XKR6: variants seen among roughly 807,000 people sequenced by gnomAD.
The protein encoded by XKR6 is XK-related protein 6.
A neutral mutation model predicts 56.7 loss-of-function variants in XKR6; 22 were observed. The observed-to-expected ratio is 0.39, with a 90% confidence interval of 0.28 to 0.55. The LOEUF (loss-of-function observed/expected upper bound fraction) is 0.55, where lower values mean the gene tolerates loss of function less well. Ranked by LOEUF, XKR6 falls within the 20% of genes least tolerant of loss-of-function variation. XKR6 has a pLI of 0.66. For missense variants in XKR6, 852 were observed against 889.0 expected (o/e 0.96, Z 0.53); for synonymous variants, 524 against 387.8 (o/e 1.35, Z -4.13).
At chr8:11,041,682 A>G (rs1216829280) in intron 1 of XKR6, among the ~76,000 whole-genome samples, 3 of 152,152 alleles carry the variant, frequency 2.0e-5, no homozygotes, top group Non-Finnish European at 2.9e-5. Flanking sequence ...CTTAGGTGGG[A>G]CTAGAGGGAG....
At chr8:11,071,237 T>C (rs1800105771) in intron 1 of XKR6, among the ~76,000 whole-genome samples, 1 of 152,156 alleles carries the variant, frequency 6.6e-6, no homozygotes, top group South Asian at 2.1e-4. Context: ...CTGGAGGTAC[T>C]GAAGAAAAAA....
chr8:11,009,488 T>C (rs1462749053), intron 1 of XKR6, among the ~76,000 whole-genome samples: 3 of 152,144 alleles, frequency 2.0e-5, no homozygotes, highest in African/African-American at 7.2e-5. Context: ...CCAGCCTTGG[T>C]GAGAGAGTGA....
intron 1 of XKR6, among the ~76,000 whole-genome samples, chr8:11,090,198 C>G (rs1389941967): frequency 6.6e-6 from 1 of 152,216 alleles, no homozygotes; most frequent in Non-Finnish European, 1.5e-5. Flanking sequence ...GATCCTCCCA[C>G]CTCGGCCTCT....
chr8:11,002,542 C>T (rs538796557), intron 1 of XKR6: 1 of 248,452 alleles, frequency 4.0e-6, no homozygotes, highest in African/African-American at 2.3e-5. Flanking sequence ...GTGGTGCATA[C>T]CCAGAGCCCT....
At chr8:10,905,207 C>T (rs1800152966) in intron 2 of XKR6, among the ~76,000 whole-genome samples, 1 of 152,214 alleles carries the variant, frequency 6.6e-6, no homozygotes, top group South Asian at 2.1e-4. Context: ...AGGCAGGCCA[C>T]TTGCCCTCCT....
chr8:10,979,792 T>C (rs1797685891), intron 1 of XKR6, among the ~76,000 whole-genome samples: 1 of 152,192 alleles, frequency 6.6e-6, no homozygotes, highest in Admixed American at 6.5e-5. Flanking sequence ...GTGAGGACCC[T>C]GTGCTGCGGG....
chr8:11,155,298 G>A (rs938560402), intron 1 of XKR6, among the ~76,000 whole-genome samples: 3 of 152,168 alleles, frequency 2.0e-5, no homozygotes, highest in African/African-American at 4.8e-5. Context: ...AGTTAATTAC[G>A]GGTCGAGTAT....
intron 1 of XKR6, among the ~76,000 whole-genome samples, chr8:11,182,271 T>G (rs1290800248): frequency 1.3e-5 from 2 of 152,150 alleles, no homozygotes; most frequent in Non-Finnish European, 2.9e-5. Context: ...ATGGGGAATT[T>G]GAAAGAGCAC....
intron 1 of XKR6, among the ~76,000 whole-genome samples, chr8:11,012,814 G>T (rs978036955): frequency 1.3e-5 from 2 of 152,032 alleles, no homozygotes; most frequent in Non-Finnish European, 2.9e-5. Flanking sequence ...CCCATGTCAG[G>T]CCATGTCTAA....
chr8:11,106,378 G>C (rs916118244), intron 1 of XKR6: 1 of 152,370 alleles, frequency 6.6e-6, no homozygotes, highest in South Asian at 2.1e-4. Flanking sequence ...GCGAGCTCCA[G>C]AGAGGCCGGT....
intron 1 of XKR6, among the ~76,000 whole-genome samples, chr8:11,169,979 A>G (rs952190517): frequency 1.2e-4 from 14 of 114,752 alleles, no homozygotes; most frequent in African/African-American, 5.4e-4. Context: ...TCATAGACAT[A>G]CATAACAAAA....
chr8:11,132,511 A>G (rs1288730781), intron 1 of XKR6, among the ~76,000 whole-genome samples: 1 of 151,498 alleles, frequency 6.6e-6, no homozygotes, highest in Non-Finnish European at 1.5e-5. Context: ...ACAGGCGCCC[A>G]CCACCACGCC....
intron 1 of XKR6, among the ~76,000 whole-genome samples, chr8:11,168,361 A>G (rs1802192419): frequency 6.6e-6 from 1 of 152,248 alleles, no homozygotes; most frequent in African/African-American, 2.4e-5. Context: ...TAATAATTAT[A>G]AACATAAATG....
chr8:11,026,153 C>A (rs1249245599), intron 1 of XKR6, among the ~76,000 whole-genome samples: 2 of 152,024 alleles, frequency 1.3e-5, no homozygotes, highest in Non-Finnish European at 2.9e-5. Flanking sequence ...CTACTACACA[C>A]CTACGACACA....
intron 1 of XKR6, among the ~76,000 whole-genome samples, chr8:11,027,491 G>T (rs533593853): frequency 6.6e-6 from 1 of 152,064 alleles, no homozygotes; most frequent in Non-Finnish European, 1.5e-5. Flanking sequence ...TATTCGTTTC[G>T]TCATTTAATT....
At chr8:10,941,928 C>G (rs1174796185) in intron 1 of XKR6, among the ~76,000 whole-genome samples, 1 of 152,216 alleles carries the variant, frequency 6.6e-6, no homozygotes, top group Non-Finnish European at 1.5e-5. Flanking sequence ...GTGGGCTGCA[C>G]TCCGACCCCT....
chr8:11,178,251 A>T (rs1368530828), intron 1 of XKR6, among the ~76,000 whole-genome samples: 6 of 152,190 alleles, frequency 3.9e-5, no homozygotes, highest in Non-Finnish European at 7.4e-5. Context: ...TGTCTACTCT[A>T]GACAATCAGC....
At position 11,175,398 on chromosome 8, in the gene XKR6, G is replaced by A. The variant is rs892979911; in HGVS notation, c.764+25178C>T. The A allele has an allele frequency of 2.2e-5, 4 of 180,222 alleles. 1 individual carries two copies. In the South Asian group the frequency reaches 4.3e-4, roughly 19 times the overall value. The allele number at this position is 180,222 out of a possible 1,614,324, so 11.2% of individuals were successfully genotyped here. A position where few individuals can be genotyped will look rare whatever the true frequency, so the allele number is the denominator to read the frequency against. ...GTAAATAAAGCACCTAAGATGCACC[G>A]TCGGACTTACAGAGCTCATGGCTGG... On this transcript the variant is annotated intron_variant, in intron 1 of 2. Coordinates refer to ENST00000416569, the MANE Select transcript of XKR6 (RefSeq NM_173683.4).
chr8:11,114,085 G>A (rs947113625), intron 1 of XKR6: 20 of 443,204 alleles, frequency 4.5e-5, no homozygotes, highest in African/African-American at 2.2e-4. Flanking sequence ...CATGTCTTTC[G>A]CTTAGAGCTA....
Sources: allele counts gnomAD v4.1 joint callset (sites outside exome capture counted in the v4.1 genomes callset), GRCh38; gene constraint gnomAD v4.1.1; transcripts MANE v1.5; gene names NCBI Gene and HGNC (gene_info 2026-07-23, HGNC 2026-07-21).